The following ANO4 variants were observed in gnomAD, a reference collection of about 807,000 sequenced individuals.
ANO4 encodes anoctamin-4.
A neutral mutation model predicts 141.9 loss-of-function variants in ANO4; 69 were observed. That is an observed-to-expected ratio of 0.49 (90% CI 0.40 to 0.59). The LOEUF is 0.59. ANO4 is among the 20% of genes least tolerant of loss of function. ANO4 has a pLI of 0.00. For synonymous variants in ANO4, 350 were observed against 394.3 expected (o/e 0.89, Z 1.33); for missense variants, 894 against 1,162.2 (o/e 0.77, Z 3.36).
rs145769817 is a variant in ANO4 at position 101,059,064 on chromosome 12, A to G, written c.1312+10663A>G. On this transcript the variant is annotated intron_variant, in intron 14 of 27. Transcript: ENST00000392977. ...AATACCTAGTTTACTGAGAGTTTTT[A>G]GCATGAAGCGGTGTTGAATTTTATC... Among the ~76,000 whole-genome samples, 149 of 152,312 alleles carry G rather than the reference A, an allele frequency of 9.8e-4. 2 individuals carry two copies. In the East Asian group the frequency reaches 0.022, roughly 23 times the overall value.
intron 5 of ANO4, among the ~76,000 whole-genome samples, chr12:100,961,676 A>G (rs2043431168): frequency 6.6e-6 from 1 of 152,254 alleles, no homozygotes; most frequent in South Asian, 2.1e-4. Context: ...CATATGATCA[A>G]CATACGAATT....
intron 4 of ANO4, among the ~76,000 whole-genome samples, chr12:100,941,147 G>A (rs1299831502): frequency 6.6e-6 from 1 of 150,700 alleles, no homozygotes; most frequent in Non-Finnish European, 1.5e-5. Context: ...TGTGAAACTT[G>A]TCTCATATTT....
intron 4 of ANO4, 33 bp from the exon 5 acceptor site, chr12:100,942,344 G>A (rs1411507409): frequency 6.3e-7 from 1 of 1,596,434 alleles, no homozygotes; most frequent in Admixed American, 1.8e-5. Flanking sequence ...TTTGATGAAT[G>A]ACTTAAACTG....
intron 4 of ANO4, among the ~76,000 whole-genome samples, chr12:100,941,165 G>A (rs1472374752): frequency 6.6e-6 from 1 of 150,790 alleles, no homozygotes; most frequent in African/African-American, 2.4e-5. Flanking sequence ...TTTTGTATAT[G>A]TATGTTTACA....
rs1348321829 is a variant in ANO4, at chr12:100,767,129, TA to T, written c.358+27025del. Among the ~76,000 whole-genome samples the T allele has an allele frequency of 3.3e-5, 5 of 152,284 alleles. No homozygotes were observed. The East Asian group carries it at 7.7e-4, about 23-fold the overall frequency. ...GTCTCTTGTAGGCAGCATATAGGTA[TA>T]TTTTTTTCTTTTTAAATTTATTCAG... On this transcript the variant is annotated intron_variant, in intron 3 of 29. Transcript: ENST00000644049.
At chr12:101,083,194 C>CA (rs201618079) in intron 15 of ANO4, among the ~76,000 whole-genome samples, 37 of 149,504 alleles carry the variant, frequency 2.5e-4, no homozygotes, top group African/African-American at 5.1e-4. Context: ...CCTAAAAATG[C>CA]AAAAAAAAAT....
intron 14 of ANO4, among the ~76,000 whole-genome samples, chr12:101,069,613 G>T (rs2048728902): frequency 6.6e-6 from 1 of 152,256 alleles, no homozygotes; most frequent in African/African-American, 2.4e-5. Flanking sequence ...AGTTACAGCA[G>T]GTGATTCAGC....
At chr12:100,928,895 T>C (rs1486845253) in intron 3 of ANO4, among the ~76,000 whole-genome samples, 2 of 152,184 alleles carry the variant, frequency 1.3e-5, no homozygotes, top group African/African-American at 4.8e-5. Flanking sequence ...TGGGGTTATA[T>C]ACAATACCAT....
intron 1 of ANO4, among the ~76,000 whole-genome samples, chr12:100,724,021 C>A (rs11110494): frequency 1.6e-4 from 15 of 91,430 alleles, no homozygotes; most frequent in Middle Eastern, 5.7e-3. Flanking sequence ...CAAAAACAAA[C>A]AAAAAACAAA....
chr12:100,849,047 G>T (rs539944354), intron 1 of ANO4, among the ~76,000 whole-genome samples: 1 of 152,168 alleles, frequency 6.6e-6, no homozygotes, highest in African/African-American at 2.4e-5. Context: ...CCTCGTGCAC[G>T]TGTTAGCATG....
At chr12:100,970,312 G>A (rs536623278) in intron 5 of ANO4, among the ~76,000 whole-genome samples, 55 of 152,284 alleles carry the variant, frequency 3.6e-4, no homozygotes, top group Non-Finnish European at 4.1e-4. Flanking sequence ...AATAAAGTGC[G>A]CTGCACGTCC....
intron 2 of ANO4, among the ~76,000 whole-genome samples, chr12:100,920,204 C>G (rs1168238466): frequency 6.6e-6 from 1 of 152,052 alleles, no homozygotes; most frequent in African/African-American, 2.4e-5. Flanking sequence ...AAATCCAGTT[C>G]TCTTATCTCC....
intron 7 of ANO4, among the ~76,000 whole-genome samples, chr12:100,983,753 C>T (rs2044587426): frequency 6.6e-6 from 1 of 152,224 alleles, no homozygotes; most frequent in Non-Finnish European, 1.5e-5. Context: ...TCAAAGGTCT[C>T]ATGTGGTTAA....
intron 7 of ANO4, among the ~76,000 whole-genome samples, chr12:100,983,371 T>G (rs1323692651): frequency 6.6e-6 from 1 of 152,172 alleles, no homozygotes; most frequent in African/African-American, 2.4e-5. Context: ...ACTACACAAA[T>G]GTATTAGCTC....
At chr12:100,755,004 A>C (rs1305246700) in intron 3 of ANO4, among the ~76,000 whole-genome samples, 1 of 152,208 alleles carries the variant, frequency 6.6e-6, no homozygotes, top group Admixed American at 6.5e-5. Flanking sequence ...GTACATTATG[A>C]ATGTACTGAA....
intron 14 of ANO4, chr12:101,068,581 CA>C: frequency 3.6e-6 from 5 of 1,404,408 alleles, no homozygotes; most frequent in Non-Finnish European, 2.0e-6. Flanking sequence ...GTGGCTTCTT[CA>C]AAAGTGTGGT....
chr12:101,033,779 T>G (rs547055826), intron 9 of ANO4, among the ~76,000 whole-genome samples: 36 of 152,070 alleles, frequency 2.4e-4, no homozygotes, highest in Middle Eastern at 3.4e-3. Flanking sequence ...TACAAGCAAC[T>G]TAAAGAAATT....
chr12:100,786,153 G>A (rs1483329338), intron 3 of ANO4, among the ~76,000 whole-genome samples: 1 of 152,194 alleles, frequency 6.6e-6, no homozygotes, highest in African/African-American at 2.4e-5. Flanking sequence ...TTATGGATCA[G>A]CAACACTGAA....
intron 3 of ANO4, among the ~76,000 whole-genome samples, chr12:100,753,937 T>A (rs2032498576): frequency 6.6e-6 from 1 of 152,208 alleles, no homozygotes; most frequent in South Asian, 2.1e-4. Flanking sequence ...TGCGTCATCA[T>A]CCATCCTGCT....
Sources: gnomAD v4.1 joint callset for allele counts (sites outside exome capture counted in the v4.1 genomes callset) on GRCh38, gnomAD v4.1.1 for gene constraint, MANE v1.5 for transcripts, NCBI Gene and HGNC (gene_info 2026-07-23, HGNC 2026-07-21) for gene names.